The following DRC11 variants were observed in gnomAD, a reference collection of about 807,000 sequenced individuals.
DRC11 encodes the protein dynein regulatory complex subunit 11, also known as IQ and AAA domain-containing protein 1.
chr2:236,465,414 C>G, the DRC11 span: 2 of 1,065,498 alleles, frequency 1.9e-6, no homozygotes, highest in Non-Finnish European at 2.8e-6. This position sits in a 1 kb window ranked among gnomAD's most constrained non-coding sequence, Gnocchi z 6.2. Flanking sequence ...CCTCATGACT[C>G]TATATCAATA....
chr2:236,312,108 C>G, the DRC11 span, among the ~76,000 whole-genome samples: 2 of 152,142 alleles, frequency 1.3e-5, no homozygotes, highest in African/African-American at 4.8e-5. Context: ...AAAAACCTAT[C>G]CTAAGATTCC....
the DRC11 span, among the ~76,000 whole-genome samples, chr2:236,341,916 T>C: frequency 2.0e-5 from 3 of 152,186 alleles, no homozygotes; most frequent in East Asian, 5.8e-4. Context: ...TGTATTGTGC[T>C]TGGGAAAGAG....
chr2:236,311,737 T>C, the DRC11 span, among the ~76,000 whole-genome samples: 1 of 144,190 alleles, frequency 6.9e-6, no homozygotes, highest in East Asian at 2.0e-4. The surrounding 1 kb of genome is among the most constrained non-coding windows in gnomAD (Gnocchi z 6.9). Context: ...TGTGTGTGTG[T>C]TGGGGCTCAC....
chr2:236,409,951 G>T, the DRC11 span, among the ~76,000 whole-genome samples: 1 of 152,164 alleles, frequency 6.6e-6, no homozygotes, highest in Non-Finnish European at 1.5e-5. Flanking sequence ...GCATTCCAGG[G>T]ATGAAACCCA....
the DRC11 span, among the ~76,000 whole-genome samples, chr2:236,335,855 G>A: frequency 1.3e-5 from 2 of 152,168 alleles, no homozygotes; most frequent in Non-Finnish European, 2.9e-5. This position sits in a 1 kb window ranked among gnomAD's most constrained non-coding sequence, Gnocchi z 5.6. Flanking sequence ...TGTGGGCTGC[G>A]GCGAGACTGT....
the DRC11 span, among the ~76,000 whole-genome samples, chr2:236,351,330 A>G: frequency 6.6e-6 from 1 of 152,100 alleles, no homozygotes; most frequent in African/African-American, 2.4e-5. The surrounding 1 kb of genome is among the most constrained non-coding windows in gnomAD (Gnocchi z 7.3). Context: ...GGTGGGGGGA[A>G]CCAGGAACGG....
At chr2:236,477,189 T>C in the DRC11 span, among the ~76,000 whole-genome samples, 1 of 152,142 alleles carries the variant, frequency 6.6e-6, no homozygotes, top group South Asian at 2.1e-4. Context: ...AGTAAAAAAA[T>C]CTACAAATAG....
chr2:236,338,124 C>A, the DRC11 span: 1 of 1,437,994 alleles, frequency 7.0e-7, no homozygotes. Flanking sequence ...CCACCGGGTC[C>A]AAGGGCCGCC....
At chr2:236,314,331 G>A in the DRC11 span, among the ~76,000 whole-genome samples, 2 of 152,160 alleles carry the variant, frequency 1.3e-5, no homozygotes, top group Non-Finnish European at 2.9e-5. The surrounding 1 kb of genome is among the most constrained non-coding windows in gnomAD (Gnocchi z 4.5). Context: ...CTTAGCACAC[G>A]AAATGTGATA....
chr2:236,392,980 T>G, the DRC11 span, among the ~76,000 whole-genome samples: 1 of 152,264 alleles, frequency 6.6e-6, no homozygotes, highest in East Asian at 1.9e-4. The surrounding 1 kb of genome is among the most constrained non-coding windows in gnomAD (Gnocchi z 5.1). Flanking sequence ...CTAGACAAAG[T>G]AAGAATAATT....
the DRC11 span, among the ~76,000 whole-genome samples, chr2:236,389,404 G>A: frequency 5.3e-4 from 80 of 152,182 alleles, no homozygotes; most frequent in Non-Finnish European, 7.6e-4. Flanking sequence ...CGCAGTATTC[G>A]GGTGGGAGTG....
the DRC11 span, among the ~76,000 whole-genome samples, chr2:236,443,782 T>C: frequency 1.3e-5 from 2 of 152,208 alleles, no homozygotes; most frequent in East Asian, 3.9e-4. This position sits in a 1 kb window ranked among gnomAD's most constrained non-coding sequence, Gnocchi z 4.4. Context: ...CTCTAGATCT[T>C]TGAGGAATCG....
At chr2:236,356,493 G>T in the DRC11 span, among the ~76,000 whole-genome samples, 1 of 152,228 alleles carries the variant, frequency 6.6e-6, no homozygotes, top group African/African-American at 2.4e-5. Flanking sequence ...GGCCAGCTGG[G>T]GGGCCACGCG....
the DRC11 span, among the ~76,000 whole-genome samples, chr2:236,397,898 C>A: frequency 1.3e-5 from 2 of 152,196 alleles, no homozygotes; most frequent in Non-Finnish European, 2.9e-5. This position sits in a 1 kb window ranked among gnomAD's most constrained non-coding sequence, Gnocchi z 5.0. Flanking sequence ...CAGGTGTTAC[C>A]TTTATATCTC....
At chr2:236,459,656 T>G in the DRC11 span, among the ~76,000 whole-genome samples, 1 of 116,314 alleles carries the variant, frequency 8.6e-6, no homozygotes, top group African/African-American at 3.0e-5. Context: ...TATATATGTA[T>G]ATACATACGT....
chr2:236,442,853 C>T, the DRC11 span, among the ~76,000 whole-genome samples: 1 of 152,106 alleles, frequency 6.6e-6, no homozygotes, highest in Non-Finnish European at 1.5e-5. Flanking sequence ...CTGTTGTTGA[C>T]GGTTTGTTCT....
chr2:236,357,368 A>G, the DRC11 span, among the ~76,000 whole-genome samples: 1 of 114,954 alleles, frequency 8.7e-6, no homozygotes, highest in Non-Finnish European at 1.6e-5. Context: ...TATATTATAA[A>G]TATATTTATA....
the DRC11 span, among the ~76,000 whole-genome samples, chr2:236,486,431 C>T: frequency 6.6e-6 from 1 of 152,052 alleles, no homozygotes; most frequent in East Asian, 1.9e-4. This position sits in a 1 kb window ranked among gnomAD's most constrained non-coding sequence, Gnocchi z 5.7. Flanking sequence ...GATAACTAAT[C>T]CACCTAATCC....
the DRC11 span, among the ~76,000 whole-genome samples, chr2:236,380,862 C>T: frequency 6.6e-6 from 1 of 152,198 alleles, no homozygotes; most frequent in African/African-American, 2.4e-5. This position sits in a 1 kb window ranked among gnomAD's most constrained non-coding sequence, Gnocchi z 4.9. Context: ...GAGGTCCCCA[C>T]TGTGGAACTT....
Sources: gnomAD v4.1 joint callset for allele counts (sites outside exome capture counted in the v4.1 genomes callset) on GRCh38, gnomAD v4.1.1 for gene constraint, Gnocchi (gnomAD v3.1) non-coding constraint, MANE v1.5 for transcripts, NCBI Gene and HGNC (gene_info 2026-07-23, HGNC 2026-07-21) for gene names.